Variants in ZNF879 observed in about 807,000 individuals in gnomAD.
ZNF879 encodes zinc finger protein 879.
In ZNF879, 32 loss-of-function variants were observed where a neutral mutation model predicts 44.3. That is an observed-to-expected ratio of 0.72 (90% CI 0.54 to 0.97). The LOEUF is 0.97. Ranked by LOEUF, ZNF879 falls within the 50% of genes least tolerant of loss-of-function variation. The probability of loss-of-function intolerance (pLI) is 0.00; values close to 1 mark genes in which losing one functional copy is unlikely to be tolerated. For missense variants in ZNF879, 621 were observed against 669.7 expected, an observed-to-expected ratio of 0.93 and a Z score of 0.80; for synonymous variants, 234 against 233.2, an observed-to-expected ratio of 1.00 and a Z score of -0.03.
rs750716842 is a variant in ZNF879 at position 179,031,177 on chromosome 5, T to C, written c.257-1028T>C. Among the ~76,000 whole-genome samples, 6 of 152,078 alleles carry C rather than the reference T, an allele frequency of 3.9e-5. No individual in the cohort carries two copies. In the East Asian group the frequency reaches 5.8e-4, roughly 15 times the overall value. On this transcript the variant is annotated intron_variant, in intron 4 of 4. Transcript: ENST00000444149. ...GCCCCATTACAGTTTGTTTTTCATA[T>C]AGCAACCAGAGTGATCCTTTTTAAA...
rs767421152 is a variant in ZNF879, at chr5:179,033,960, G to A, written c.*320G>A. The A allele has an allele frequency of 2.0e-5, 4 of 200,906 alleles. No individual in the cohort carries two copies. Among genetic ancestry groups the A allele is most frequent in the Non-Finnish European group, 4.0e-5 (4 of 100,426 alleles). The allele number at this position is 200,906 out of a possible 1,614,324, so 12.4% of individuals were successfully genotyped here. On this transcript the variant is annotated 3_prime_UTR_variant, in exon 5 of 5. Transcript: ENST00000444149. ...CCTGAGCATCACTGGGAAGCCTGCT[G>A]TTTATGTACAAGTACAGCCATAAAA...
chr5:179,029,162 G>A (rs1013375960), intron 4 of ZNF879, among the ~76,000 whole-genome samples: 1 of 150,814 alleles, frequency 6.6e-6, no homozygotes, highest in Admixed American at 6.6e-5. Flanking sequence ...TGGGCATGGA[G>A]TGCTGCTGAC....
Position 179,033,780 on chromosome 5 carries a change from C to A in ZNF879, c.*140C>A. The A allele has an allele frequency of 1.8e-6, 1 of 569,678 alleles. No individual in the cohort carries two copies. The highest frequency in any genetic ancestry group is 3.0e-6 in the Non-Finnish European group (1 of 337,598). The allele number at this position is 569,678 out of a possible 1,614,324, so 35.3% of individuals were successfully genotyped here. A position where few individuals can be genotyped will look rare whatever the true frequency, so the allele number is the denominator to read the frequency against. On this transcript the variant is annotated 3_prime_UTR_variant, in exon 5 of 5. Coordinates refer to ENST00000444149, the MANE Select transcript of ZNF879 (RefSeq NM_001136116.3). ...ATTAGACCTCATCACACATCAGAGA[C>A]TTCATGATGCAGGGTAACCTTGGGA...
intron 2 of ZNF879, among the ~76,000 whole-genome samples, chr5:179,025,837 A>G (rs1761251528): frequency 6.6e-6 from 1 of 152,096 alleles, no homozygotes; most frequent in African/African-American, 2.4e-5. Flanking sequence ...GAATCACTTG[A>G]ACCCGGGAGG....
chr5:179,034,791 G>T lies in ZNF879; in HGVS notation c.*1151G>T, dbSNP rs1398128880. Reference sequence around the variant, plus strand: ...AACAGTTATCTCACAAGTCAAAATTGTTGGGCTTTACAGAGGCTAACATCT... The same window carrying T: ...AACAGTTATCTCACAAGTCAAAATTTTTGGGCTTTACAGAGGCTAACATCT... On this transcript the variant is annotated 3_prime_UTR_variant, in exon 5 of 5. Transcript: ENST00000444149. 1 of 152,190 alleles carries T rather than the reference G, an allele frequency of 6.6e-6. No homozygotes were observed. The highest frequency in any genetic ancestry group is 1.9e-4 in the East Asian group (1 of 5,196). 9.4% of individuals were successfully genotyped at this position (152,190 alleles called of 1,614,324 possible).
At chr5:179,024,840 C>T (rs1761215521) in intron 1 of ZNF879, 130 bp from the exon 2 acceptor site, 7 of 683,706 alleles carry the variant, frequency 1.0e-5, no homozygotes, top group Middle Eastern at 4.1e-4. Flanking sequence ...CTTAGGGCCC[C>T]TCTGGCCTGG....
rs911545721 is a variant in ZNF879 at position 179,034,336 on chromosome 5, G to A, written c.*696G>A. ...ATTTCACTTGTTTTTCTCATTAAAA[G>A]TGATTACCTTTGCTGTATTAAATTG... On this transcript the variant is annotated 3_prime_UTR_variant, in exon 5 of 5. Coordinates refer to ENST00000444149, the MANE Select transcript of ZNF879 (RefSeq NM_001136116.3). 1 of 152,214 alleles carries A rather than the reference G, an allele frequency of 6.6e-6. No individual in the cohort carries two copies. The highest frequency in any genetic ancestry group is 2.4e-5 in the African/African-American group (1 of 41,462). 9.4% of individuals were successfully genotyped at this position (152,214 alleles called of 1,614,324 possible). A position where few individuals can be genotyped will look rare whatever the true frequency, so the allele number is the denominator to read the frequency against.
chr5:179,026,903 A>G (rs11249610), intron 2 of ZNF879, among the ~76,000 whole-genome samples: 36,568 of 152,126 alleles, frequency 0.24, 5,586 homozygotes, highest in South Asian at 0.41. Flanking sequence ...GAGGGAGACT[A>G]CTGACCATAG....
chr5:179,028,580 A>C (rs533417972), intron 4 of ZNF879, among the ~76,000 whole-genome samples: 1 of 152,136 alleles, frequency 6.6e-6, no homozygotes, highest in Non-Finnish European at 1.5e-5. Context: ...GGGGGAAAAA[A>C]GCAGATATAT....
At chr5:179,028,237 C>G (rs920253639) in intron 4 of ZNF879, 110 bp downstream of exon 4, 1 of 935,018 alleles carries the variant, frequency 1.1e-6, no homozygotes, top group Non-Finnish European at 1.7e-6. Flanking sequence ...GGGGGAAATG[C>G]TGGGAAGGTA....
chr5:179,033,835 T>C lies in ZNF879; in HGVS notation c.*195T>C. ...TAGAAAAGCTTCTATAAAATGTTTA[T>C]TCATATGTTCTTAAGTTATTACCAT... On this transcript the variant is annotated 3_prime_UTR_variant, in exon 5 of 5. Transcript: ENST00000444149. The C allele has an allele frequency of 2.1e-6, 1 of 470,290 alleles. No individual in the cohort carries two copies. The highest frequency in any genetic ancestry group is 3.7e-6 in the Non-Finnish European group (1 of 270,446). The allele number at this position is 470,290 out of a possible 1,614,324, so 29.1% of individuals were successfully genotyped here.
intron 2 of ZNF879, among the ~76,000 whole-genome samples, chr5:179,026,323 A>G (rs937574408): frequency 1.3e-5 from 2 of 152,180 alleles, no homozygotes; most frequent in African/African-American, 2.4e-5. Flanking sequence ...ATGTGATTTT[A>G]TTTTTATTTA....
At chr5:179,027,991 G>A (rs1473151317) in intron 3 of ZNF879, 41 bp from the exon 4 acceptor site, 1 of 1,533,788 alleles carries the variant, frequency 6.5e-7, no homozygotes, top group East Asian at 2.5e-5. Context: ...GGACCCGCCT[G>A]CTACGATGGC....
At chr5:179,030,465 G>T (rs1761389472) in intron 4 of ZNF879, among the ~76,000 whole-genome samples, 1 of 152,206 alleles carries the variant, frequency 6.6e-6, no homozygotes, top group African/African-American at 2.4e-5. Flanking sequence ...TCATGCATTG[G>T]ACATATTATA....
intron 4 of ZNF879, among the ~76,000 whole-genome samples, chr5:179,030,338 CTG>C (rs1321602844): frequency 6.6e-6 from 1 of 152,180 alleles, no homozygotes; most frequent in Non-Finnish European, 1.5e-5. Context: ...GCACAGATAA[CTG>C]TGCAGAGTTA....
intron 2 of ZNF879, among the ~76,000 whole-genome samples, chr5:179,026,634 C>T (rs1042288749): frequency 4.6e-5 from 7 of 152,152 alleles, no homozygotes; most frequent in African/African-American, 1.7e-4. Flanking sequence ...AGGCGCATGC[C>T]ACCACACCCA....
chr5:179,024,974 C>T lies in ZNF879; in HGVS notation c.-31C>T, dbSNP rs1009723144. On this transcript the variant is annotated 5_prime_UTR_variant, in exon 2 of 5. Transcript: ENST00000444149. The stretch of plus-strand genomic sequence containing the variant: ...CAGCTTTTTTCTCCATTCCAGGTGC[C>T]TTCTCCAAGAGAGGCAGCAGGGAGG... The T allele has an allele frequency of 4.5e-6, 7 of 1,551,540 alleles. No individual in the cohort carries two copies. The highest frequency in any genetic ancestry group is 6.1e-6 in the Non-Finnish European group (7 of 1,146,916).
intron 4 of ZNF879, among the ~76,000 whole-genome samples, chr5:179,031,086 T>C (rs1761403755): frequency 6.6e-6 from 1 of 152,226 alleles, no homozygotes; most frequent in Admixed American, 6.5e-5. Flanking sequence ...ACCACCATCT[T>C]CATCCAGGAA....
In ZNF879 at chr5:179,034,598, C is replaced by T. The variant is rs1761535263; in HGVS notation, c.*958C>T. 1 of 152,162 alleles carries T rather than the reference C, an allele frequency of 6.6e-6. No individual in the cohort carries two copies. Among genetic ancestry groups the T allele is most frequent in the South Asian group, 2.1e-4 (1 of 4,824 alleles). 9.4% of individuals were successfully genotyped at this position (152,162 alleles called of 1,614,324 possible). On this transcript the variant is annotated 3_prime_UTR_variant, in exon 5 of 5. Coordinates refer to ENST00000444149, the MANE Select transcript of ZNF879 (RefSeq NM_001136116.3). ...ACCCTTACTTCCACTTTTTCGCCTTCATCAGACAAGGTTCACTTTCTCCCC... is the reference window on the plus strand; with the variant it reads ...ACCCTTACTTCCACTTTTTCGCCTTTATCAGACAAGGTTCACTTTCTCCCC...
Sources: gnomAD v4.1 joint callset for allele counts (sites outside exome capture counted in the v4.1 genomes callset) on GRCh38, gnomAD v4.1.1 for gene constraint, MANE v1.5 for transcripts, NCBI Gene and HGNC (gene_info 2026-07-23, HGNC 2026-07-21) for gene names.